DAB1: variants seen among roughly 807,000 people sequenced by gnomAD.
The protein encoded by DAB1 is DAB adaptor protein 1, also known as disabled homolog 1.
A neutral mutation model predicts 64.6 loss-of-function variants in DAB1; 15 were observed. That is an observed-to-expected ratio of 0.23 (90% CI 0.16 to 0.36). The LOEUF (loss-of-function observed/expected upper bound fraction) is 0.36, where lower values mean the gene tolerates loss of function less well. Among genes scored for constraint, DAB1 ranks in the 10% least tolerant of loss-of-function variants. The probability of loss-of-function intolerance (pLI) is 1.00; values close to 1 mark genes in which losing one functional copy is unlikely to be tolerated. For synonymous variants in DAB1, 235 were observed against 251.9 expected (o/e 0.93, Z 0.64); for missense variants, 596 against 706.7 (o/e 0.84, Z 1.78).
At chr1:57,951,497 T>C (rs1645278915) in intron 5 of DAB1, among the ~76,000 whole-genome samples, 1 of 151,756 alleles carries the variant, frequency 6.6e-6, no homozygotes, top group Non-Finnish European at 1.5e-5. Context: ...ACAGAAAAGT[T>C]TCAATGTGTT....
intron 7 of DAB1, among the ~76,000 whole-genome samples, chr1:57,532,268 C>T (rs1644673129): frequency 6.6e-6 from 1 of 151,956 alleles, no homozygotes; most frequent in East Asian, 1.9e-4. Context: ...GTAAGTATTA[C>T]TCTGCTGTCT....
chr1:57,113,625 T>A (rs903502447), intron 4 of DAB1, among the ~76,000 whole-genome samples: 2 of 152,352 alleles, frequency 1.3e-5, no homozygotes, highest in Non-Finnish European at 1.5e-5. Flanking sequence ...GAACTTCATA[T>A]AATTTTTGCA....
chr1:58,337,010 C>T (rs554647363), intron 4 of DAB1, among the ~76,000 whole-genome samples: 8 of 152,172 alleles, frequency 5.3e-5, no homozygotes, highest in East Asian at 1.9e-4. Context: ...AGGCCGGGTG[C>T]GGTGGCTCAC....
At chr1:57,731,684 A>G (rs1647429049) in intron 6 of DAB1, among the ~76,000 whole-genome samples, 1 of 151,976 alleles carries the variant, frequency 6.6e-6, no homozygotes, top group Non-Finnish European at 1.5e-5. Flanking sequence ...GCATGTCTGT[A>G]ATCCCAGTTA....
intron 6 of DAB1, among the ~76,000 whole-genome samples, chr1:57,783,124 T>A (rs1412140554): frequency 1.4e-5 from 2 of 147,746 alleles, no homozygotes; most frequent in East Asian, 2.0e-4. Context: ...TTTTTTTTTT[T>A]ACAGGGTCTC....
chr1:57,596,529 G>T (rs1645512175), intron 7 of DAB1, among the ~76,000 whole-genome samples: 1 of 151,724 alleles, frequency 6.6e-6, no homozygotes. Flanking sequence ...ATGCCTGCCA[G>T]GTGCTTACTG....
intron 4 of DAB1, among the ~76,000 whole-genome samples, chr1:58,186,257 G>A (rs1366497525): frequency 6.6e-6 from 1 of 152,122 alleles, no homozygotes; most frequent in African/African-American, 2.4e-5. Context: ...TCACTAGCAT[G>A]GGGCAACAGA....
At chr1:57,296,994 G>A (rs752470842) in intron 1 of DAB1, among the ~76,000 whole-genome samples, 1 of 152,174 alleles carries the variant, frequency 6.6e-6, no homozygotes, top group Admixed American at 6.6e-5. Context: ...ACAAAACGTT[G>A]TTAACAAAAT....
chr1:57,894,188 C>T (rs1644359149), intron 5 of DAB1, among the ~76,000 whole-genome samples: 2 of 152,190 alleles, frequency 1.3e-5, no homozygotes, highest in Admixed American at 6.5e-5. Flanking sequence ...GGGCCTCTTC[C>T]AAGTGTACTT....
intron 7 of DAB1, among the ~76,000 whole-genome samples, chr1:57,495,039 C>A (rs964152108): frequency 6.6e-6 from 1 of 152,134 alleles, no homozygotes; most frequent in Non-Finnish European, 1.5e-5. Context: ...TAGCCCAGTG[C>A]TATCTTGCTA....
intron 6 of DAB1, among the ~76,000 whole-genome samples, chr1:57,752,158 A>G (rs1003140223): frequency 5.3e-5 from 8 of 152,264 alleles, no homozygotes; most frequent in Non-Finnish European, 1.0e-4. Context: ...CTCCGCTCAT[A>G]TAATTTCTGG....
intron 4 of DAB1, among the ~76,000 whole-genome samples, chr1:57,124,922 G>T (rs924002463): frequency 1.3e-5 from 2 of 152,106 alleles, no homozygotes; most frequent in Non-Finnish European, 2.9e-5. Context: ...TGCTCAGAAT[G>T]CCTGTCCCTC....
At chr1:57,913,091 T>A (rs563325742) in intron 5 of DAB1, among the ~76,000 whole-genome samples, 1 of 152,202 alleles carries the variant, frequency 6.6e-6, no homozygotes, top group Admixed American at 6.5e-5. Flanking sequence ...TGGAAAAAAC[T>A]ACTTTAAAGT....
At chr1:57,702,839 G>C (rs1448535829) in intron 6 of DAB1, among the ~76,000 whole-genome samples, 1 of 152,122 alleles carries the variant, frequency 6.6e-6, no homozygotes. Flanking sequence ...TACAAAAACA[G>C]ACACATAGAC....
chr1:58,037,396 G>C (rs1190568064), intron 5 of DAB1, among the ~76,000 whole-genome samples: 6 of 152,144 alleles, frequency 3.9e-5, no homozygotes, highest in African/African-American at 1.4e-4. Context: ...ATGAATACTA[G>C]TCTGTGGCCA....
intron 3 of DAB1, among the ~76,000 whole-genome samples, chr1:58,470,059 T>G (rs1645339216): frequency 6.6e-6 from 1 of 151,806 alleles, no homozygotes; most frequent in Non-Finnish European, 1.5e-5. Flanking sequence ...TTCTTCCCAT[T>G]TGACAAAGAG....
At chr1:57,480,990 C>T (rs1644011730) in intron 7 of DAB1, among the ~76,000 whole-genome samples, 1 of 152,100 alleles carries the variant, frequency 6.6e-6, no homozygotes, top group African/African-American at 2.4e-5. Flanking sequence ...CCAACAAGGC[C>T]TATAAATCAG....
chr1:57,233,932 T>A (rs1667895700), intron 2 of DAB1, among the ~76,000 whole-genome samples: 1 of 152,122 alleles, frequency 6.6e-6, no homozygotes, highest in African/African-American at 2.4e-5. Context: ...GGGCTTACAT[T>A]GCCAGCTGCC....
chr1:58,185,273 T>C (rs1329127070), intron 4 of DAB1, among the ~76,000 whole-genome samples: 1 of 152,134 alleles, frequency 6.6e-6, no homozygotes, highest in Non-Finnish European at 1.5e-5. Flanking sequence ...ATGTCATGGG[T>C]TTATGGTCTC....
Sources: allele counts gnomAD v4.1 joint callset (sites outside exome capture counted in the v4.1 genomes callset), GRCh38; gene constraint gnomAD v4.1.1; transcripts MANE v1.5; gene names NCBI Gene and HGNC (gene_info 2026-07-23, HGNC 2026-07-21).